The following IL1RAPL2 variants were observed in gnomAD, a reference collection of about 807,000 sequenced individuals.
IL1RAPL2 encodes the protein X-linked interleukin-1 receptor accessory protein-like 2.
A neutral mutation model predicts 44.1 loss-of-function variants in IL1RAPL2; 3 were observed. The observed-to-expected ratio is 0.07, with a 90% CI of 0.03 to 0.18. The LOEUF is 0.18. Ranked by LOEUF, IL1RAPL2 falls within the 10% of genes least tolerant of loss-of-function variation. IL1RAPL2 has a pLI of 1.00. For synonymous variants in IL1RAPL2, 181 were observed against 178.8 expected, an observed-to-expected ratio of 1.01 and a Z score of -0.10; for missense variants, 391 against 496.4, an observed-to-expected ratio of 0.79 and a Z score of 2.02.
intron 6 of IL1RAPL2, among the ~76,000 whole-genome samples, chrX:105,580,696 G>A (rs2037083328): frequency 9.0e-6 from 1 of 111,696 alleles, no homozygotes; most frequent in Non-Finnish European, 1.9e-5. Context: ...AGGAAAGGAT[G>A]CTCAGAGAGT....
chrX:105,315,367 T>A (rs2034828642), intron 5 of IL1RAPL2, among the ~76,000 whole-genome samples: 1 of 106,121 alleles, frequency 9.4e-6, no homozygotes, highest in Admixed American at 1.0e-4. Context: ...GCACATAATA[T>A]TTATTACCTT....
intron 2 of IL1RAPL2, among the ~76,000 whole-genome samples, chrX:105,103,848 G>T (rs1444806359): frequency 1.8e-5 from 2 of 111,844 alleles, no homozygotes; most frequent in Non-Finnish European, 3.8e-5. Flanking sequence ...GATTATTTCT[G>T]CTGTGCTGAG....
intron 5 of IL1RAPL2, among the ~76,000 whole-genome samples, chrX:105,347,282 C>G (rs2035117815): frequency 9.0e-6 from 1 of 111,258 alleles, no homozygotes; most frequent in Non-Finnish European, 1.9e-5. Context: ...TGGAGTCAGG[C>G]AGAATTGGGC....
chrX:104,726,599 C>T (rs1333682040), intron 2 of IL1RAPL2, among the ~76,000 whole-genome samples: 1 of 111,195 alleles, frequency 9.0e-6, no homozygotes, highest in Non-Finnish European at 1.9e-5. Context: ...TTCTTCACAT[C>T]TCTTGTAAGT....
At chrX:105,460,912 A>C (rs1045353415) in intron 5 of IL1RAPL2, among the ~76,000 whole-genome samples, 4 of 111,669 alleles carry the variant, frequency 3.6e-5, no homozygotes, top group Non-Finnish European at 7.5e-5. Flanking sequence ...CTGTGTACAC[A>C]CAAGGACAAT....
chrX:105,095,216 G>A (rs923512750), intron 2 of IL1RAPL2, among the ~76,000 whole-genome samples: 14 of 111,249 alleles, frequency 1.3e-4, no homozygotes, highest in African/African-American at 3.9e-4. Context: ...GAATAGAAGT[G>A]AGGAGAGTAA....
At chrX:105,502,091 A>G (rs1391766499) in intron 6 of IL1RAPL2, among the ~76,000 whole-genome samples, 3 of 112,152 alleles carry the variant, frequency 2.7e-5, no homozygotes, top group Non-Finnish European at 5.6e-5. Flanking sequence ...TATTGTCTAA[A>G]ACAAAAGCAT....
chrX:105,447,559 A>G (rs1289047371), intron 5 of IL1RAPL2, among the ~76,000 whole-genome samples: 1 of 78,577 alleles, frequency 1.3e-5, no homozygotes, highest in African/African-American at 5.3e-5. Flanking sequence ...ATAAATAAAT[A>G]TAAATATATA....
intron 2 of IL1RAPL2, among the ~76,000 whole-genome samples, chrX:104,781,970 G>C (rs1007863128): frequency 9.0e-6 from 1 of 111,527 alleles, no homozygotes; most frequent in African/African-American, 3.3e-5. Flanking sequence ...AGAGGTTCAA[G>C]GGAGCACCCT....
At chrX:105,535,136 C>A (rs1390710761) in intron 6 of IL1RAPL2, among the ~76,000 whole-genome samples, 2 of 111,699 alleles carry the variant, frequency 1.8e-5, no homozygotes, top group Non-Finnish European at 3.8e-5. Context: ...GGACTTTATC[C>A]AGAAAGACTT....
chrX:104,829,684 T>A (rs1028755250), intron 2 of IL1RAPL2, among the ~76,000 whole-genome samples: 1 of 112,584 alleles, frequency 8.9e-6, no homozygotes, highest in South Asian at 3.7e-4. Flanking sequence ...AACAGCATCA[T>A]AACACGACGC....
At chrX:105,043,176 T>C (rs2031781196) in intron 2 of IL1RAPL2, among the ~76,000 whole-genome samples, 1 of 108,749 alleles carries the variant, frequency 9.2e-6, no homozygotes, top group South Asian at 4.2e-4. Context: ...CATGTATACA[T>C]ATGTAACTAA....
chrX:105,415,789 TATAAA>T (rs1249354725), intron 5 of IL1RAPL2, among the ~76,000 whole-genome samples: 1 of 111,519 alleles, frequency 9.0e-6, no homozygotes, highest in African/African-American at 3.3e-5. Context: ...ATAGGAATGT[TATAAA>T]AGAACAAAAT....
intron 2 of IL1RAPL2, among the ~76,000 whole-genome samples, chrX:104,815,907 T>C (rs1214722120): frequency 2.7e-5 from 3 of 109,299 alleles, no homozygotes; most frequent in Non-Finnish European, 5.7e-5. Context: ...TTTTTGATAA[T>C]TTAATAAAAT....
chrX:104,907,862 G>A (rs1173991815), intron 2 of IL1RAPL2, among the ~76,000 whole-genome samples: 2 of 109,723 alleles, frequency 1.8e-5, no homozygotes, highest in Admixed American at 9.8e-5. Flanking sequence ...TATCCTTGTT[G>A]ACTTTCTGTC....
intron 1 of IL1RAPL2, among the ~76,000 whole-genome samples, chrX:104,619,924 T>C (rs927479792): frequency 8.9e-6 from 1 of 111,781 alleles, no homozygotes; most frequent in African/African-American, 3.3e-5. Flanking sequence ...CTGGAGGAAT[T>C]GTCTACTTAA....
intron 2 of IL1RAPL2, among the ~76,000 whole-genome samples, chrX:104,706,687 C>T (rs1931366952): frequency 8.9e-6 from 1 of 112,110 alleles, no homozygotes; most frequent in Non-Finnish European, 1.9e-5. Context: ...TCATAATTAA[C>T]AAGGCTTGCC....
At chrX:105,306,162 T>C (rs2034735569) in intron 5 of IL1RAPL2, among the ~76,000 whole-genome samples, 1 of 111,588 alleles carries the variant, frequency 9.0e-6, no homozygotes, top group Non-Finnish European at 1.9e-5. Flanking sequence ...ATTTACCTAT[T>C]TTAGATAGAT....
intron 6 of IL1RAPL2, among the ~76,000 whole-genome samples, chrX:105,595,599 GTTGTTGT>G (rs1350401379): frequency 9.1e-6 from 1 of 110,186 alleles, no homozygotes; most frequent in African/African-American, 3.3e-5. Context: ...GTTTTTTGTT[GTTGTTGT>G]TTGTTTGTTT....
Sources: gnomAD v4.1 joint callset for allele counts (sites outside exome capture counted in the v4.1 genomes callset) on GRCh38, gnomAD v4.1.1 for gene constraint, MANE v1.5 for transcripts, NCBI Gene and HGNC (gene_info 2026-07-23, HGNC 2026-07-21) for gene names.